The following RPA1 variants were observed in gnomAD, a reference collection of about 807,000 sequenced individuals.
The protein encoded by RPA1 is replication protein A1.
A neutral mutation model predicts 83.0 loss-of-function variants in RPA1; 49 were observed. The ratio of observed to expected loss-of-function variants is 0.59; its 90% CI spans 0.47 to 0.75. The LOEUF is 0.75. Among genes scored for constraint, RPA1 ranks in the 30% least tolerant of loss-of-function variants. The pLI is 0.00. For missense variants in RPA1, 693 were observed against 776.1 expected, an observed-to-expected ratio of 0.89 and a Z score of 1.27; for synonymous variants, 279 against 281.8, an observed-to-expected ratio of 0.99 and a Z score of 0.10.
At chr17:1,887,946 T>A (rs17339060) in intron 13 of RPA1, among the ~76,000 whole-genome samples, 1 of 152,170 alleles carries the variant, frequency 6.6e-6, no homozygotes, top group Non-Finnish European at 1.5e-5. Flanking sequence ...TTACTGTCTT[T>A]ATGTGACACA....
chr17:1,848,730 A>AT (rs1413262924), intron 4 of RPA1, among the ~76,000 whole-genome samples: 1 of 151,530 alleles, frequency 6.6e-6, no homozygotes, highest in African/African-American at 2.4e-5. Context: ...TGCCTGGCTA[A>AT]TTTTTTTGTA....
At chr17:1,868,017 A>G (rs1007897919) in intron 5 of RPA1, among the ~76,000 whole-genome samples, 4 of 152,146 alleles carry the variant, frequency 2.6e-5, no homozygotes, top group Admixed American at 2.0e-4. Flanking sequence ...CAGGAGGTCA[A>G]GGCCTGCAGT....
At chr17:1,850,348 C>G (rs1197849955) in intron 4 of RPA1, among the ~76,000 whole-genome samples, 1 of 148,206 alleles carries the variant, frequency 6.7e-6, no homozygotes, top group African/African-American at 2.5e-5. Flanking sequence ...CCTGGCTGGC[C>G]AACATGGTGA....
At chr17:1,848,730 A>C (rs575359192) in intron 4 of RPA1, among the ~76,000 whole-genome samples, 2 of 151,648 alleles carry the variant, frequency 1.3e-5, no homozygotes, top group African/African-American at 4.8e-5. Flanking sequence ...TGCCTGGCTA[A>C]TTTTTTTGTA....
intron 4 of RPA1, among the ~76,000 whole-genome samples, chr17:1,851,458 C>T (rs1355513123): frequency 1.3e-5 from 2 of 152,142 alleles, no homozygotes; most frequent in Non-Finnish European, 1.5e-5. Flanking sequence ...TGCAGTTTCC[C>T]CCAGTCTGGA....
chr17:1,878,774 C>T (rs1438786016), intron 8 of RPA1, among the ~76,000 whole-genome samples: 2 of 152,268 alleles, frequency 1.3e-5, no homozygotes, highest in African/African-American at 2.4e-5. Flanking sequence ...AGCTGAAATT[C>T]TCATTCTTCA....
chr17:1,841,035 C>G (rs145510383), intron 1 of RPA1, among the ~76,000 whole-genome samples: 1,696 of 152,182 alleles, frequency 0.011, 35 homozygotes, highest in African/African-American at 0.038. Flanking sequence ...CCACCACGCT[C>G]TAGCACGACA....
In RPA1 at chr17:1,862,918, A is replaced by T. The variant is rs1224151283; in HGVS notation, c.362-9516A>T. 2.6e-5 allele frequency among the ~76,000 whole-genome samples: 4 copies of T among 151,702 alleles called. No homozygotes were observed. In the East Asian group the frequency reaches 7.8e-4, roughly 30 times the overall value. ...TTTTTAGTAGAGACGAAGTTTCACC[A>T]TGTTGGCCAGGCTAGTCTCGAACTG... is the stretch of plus-strand genomic sequence containing the variant. On this transcript the variant is annotated intron_variant, in intron 5 of 16. Transcript: ENST00000254719.
chr17:1,840,521 C>T (rs1373738429), intron 1 of RPA1, among the ~76,000 whole-genome samples: 1 of 151,998 alleles, frequency 6.6e-6, no homozygotes, highest in Non-Finnish European at 1.5e-5. Context: ...CTCCTGACCT[C>T]GTGATCCTCC....
chr17:1,840,562 A>G (rs906905557), intron 1 of RPA1, among the ~76,000 whole-genome samples: 2 of 152,058 alleles, frequency 1.3e-5, no homozygotes, highest in Non-Finnish European at 2.9e-5. Context: ...CTAGGATTAC[A>G]GGCGTGAGCC....
chr17:1,895,671 T>G (rs1260400978), intron 16 of RPA1, among the ~76,000 whole-genome samples: 1 of 145,854 alleles, frequency 6.9e-6, no homozygotes, highest in African/African-American at 2.5e-5. Flanking sequence ...ATTTATTTAT[T>G]TATTTATTTA....
At position 1,898,424 on chromosome 17, in the gene RPA1, TC is replaced by T. The variant is rs1914527443; in HGVS notation, c.*1250del. 1 of 152,246 alleles carries T rather than the reference TC, an allele frequency of 6.6e-6. No homozygotes were observed. The allele number at this position is 152,246 out of a possible 1,614,324, so 9.4% of individuals were successfully genotyped here. ...GGCCTTTCAGTCAGCAAAAGCATGC[TC>T]GCTCTGTGTGTTCCTAATCATATTA... is the stretch of plus-strand genomic sequence containing the variant. On this transcript the variant is annotated 3_prime_UTR_variant, in exon 17 of 17. Transcript: ENST00000254719.
intron 8 of RPA1, among the ~76,000 whole-genome samples, chr17:1,877,736 G>A (rs181564620): frequency 2.6e-5 from 4 of 152,200 alleles, no homozygotes; most frequent in South Asian, 4.1e-4. Context: ...TGTGAGCGCC[G>A]TGGAGCTTTG....
chr17:1,831,789 C>T lies in RPA1; in HGVS notation c.33+1663C>T, dbSNP rs147331856. Among the ~76,000 whole-genome samples the T allele has an allele frequency of 6.8e-3, 1,024 of 151,172 alleles. 10 individuals carry two copies. The highest frequency in any genetic ancestry group is 0.023 in the African/African-American group (939 of 41,158). ...AATTTTTTGTATTTTTTAGTAGAGA[C>T]GGGGTTTCACCGTGTTAGCCAGGAT... On this transcript the variant is annotated intron_variant, in intron 1 of 16. Coordinates refer to ENST00000254719, the MANE Select transcript of RPA1 (RefSeq NM_002945.5).
chr17:1,892,037 T>TG, intron 15 of RPA1, 97 bp downstream of exon 15: 1 of 711,334 alleles, frequency 1.4e-6, no homozygotes, highest in Non-Finnish European at 2.2e-6. Flanking sequence ...GATGGAGTCT[T>TG]GCCCTGTTTC....
chr17:1,851,355 T>G (rs1335316010), intron 4 of RPA1, among the ~76,000 whole-genome samples: 1 of 152,190 alleles, frequency 6.6e-6, no homozygotes, highest in African/African-American at 2.4e-5. Context: ...GATGGTCTGT[T>G]AAGTCTCTCT....
At chr17:1,835,163 A>G (rs1159231649) in intron 1 of RPA1, among the ~76,000 whole-genome samples, 1 of 151,696 alleles carries the variant, frequency 6.6e-6, no homozygotes, top group Non-Finnish European at 1.5e-5. Flanking sequence ...AATTTTTTTT[A>G]AATGACAGAG....
intron 12 of RPA1, among the ~76,000 whole-genome samples, chr17:1,883,541 A>C (rs1913878073): frequency 6.6e-6 from 1 of 152,134 alleles, no homozygotes. Flanking sequence ...CACTGAGCTC[A>C]GGGGGTCAAA....
At chr17:1,864,540 A>T (rs960837048) in intron 5 of RPA1, among the ~76,000 whole-genome samples, 2 of 152,124 alleles carry the variant, frequency 1.3e-5, no homozygotes, top group Admixed American at 1.3e-4. Context: ...ACTCTGTCTC[A>T]AAAATAAATA....
Sources: gnomAD v4.1 joint callset for allele counts (sites outside exome capture counted in the v4.1 genomes callset) on GRCh38, gnomAD v4.1.1 for gene constraint, MANE v1.5 for transcripts, NCBI Gene and HGNC (gene_info 2026-07-23, HGNC 2026-07-21) for gene names.